TESMIN: variants seen among roughly 807,000 people sequenced by gnomAD.
TESMIN encodes CXC domain containing 2.
In TESMIN, 34 loss-of-function variants were observed where a neutral mutation model predicts 47.4. The ratio of observed to expected loss-of-function variants is 0.72; its 90% CI spans 0.55 to 0.96. TESMIN has a LOEUF of 0.96. TESMIN is among the 40% of genes least tolerant of loss of function. The probability of loss-of-function intolerance (pLI) is 0.00; values close to 1 mark genes in which losing one functional copy is unlikely to be tolerated. For missense variants in TESMIN, 610 were observed against 637.2 expected, an observed-to-expected ratio of 0.96 and a Z score of 0.46; for synonymous variants, 278 against 258.9, an observed-to-expected ratio of 1.07 and a Z score of -0.71.
chr11:68,713,044 G>C (rs543529791), intron 8 of TESMIN, among the ~76,000 whole-genome samples: 42 of 152,344 alleles, frequency 2.8e-4, no homozygotes, highest in African/African-American at 9.9e-4. Context: ...CTCAGGGGAA[G>C]CAACATGCTC....
chr11:68,736,738 T>C (rs895711596), intron 6 of TESMIN: 1 of 973,832 alleles, frequency 1.0e-6, no homozygotes, highest in Non-Finnish European at 1.2e-6. Flanking sequence ...TAATCTAGTA[T>C]AGACACAGAA....
At chr11:68,706,997 G>A (rs1946005096), downstream of TESMIN, among the ~76,000 whole-genome samples, 1 of 152,222 alleles carries the variant, frequency 6.6e-6, no homozygotes, top group Non-Finnish European at 1.5e-5. Flanking sequence ...TCGCCGCGAT[G>A]CTGACAGGAC....
rs775340621 is a variant in TESMIN, at chr11:68,747,323, G to A, written c.515C>T (p.Pro172Leu). 1.7e-5 allele frequency: 27 copies of A among 1,613,816 alleles called. No individual in the cohort carries two copies. The highest frequency in any genetic ancestry group is 5.5e-5 in the South Asian group (5 of 91,076). The part of the protein sequence containing the change: ...EAGGTTTSNN[P>L]EEATLQNLLA... Reference sequence around the variant, plus strand: ...AAGATTCTGCAAAGTTGCTTCTTCCGGATTATTACTTGTAGTAGTACCACC... The same window carrying A: ...AAGATTCTGCAAAGTTGCTTCTTCCAGATTATTACTTGTAGTAGTACCACC... Residue 172 changes from proline to leucine, a missense_variant, in exon 3 of 10, where the codon CCG becomes CTG. Pro to Leu is a moderately conservative substitution (Grantham distance 98). Transcript: ENST00000255087.
intron 6 of TESMIN, among the ~76,000 whole-genome samples, chr11:68,735,746 AG>A (rs1295048604): frequency 6.6e-6 from 1 of 152,264 alleles, no homozygotes; most frequent in African/African-American, 2.4e-5. Context: ...TAAACACTGC[AG>A]GAACTCAGAG....
In TESMIN at chr11:68,750,438, A is replaced by G; in HGVS notation, c.223T>C (p.Cys75Arg). 1 of 1,569,392 alleles carries G rather than the reference A, an allele frequency of 6.4e-7. No individual in the cohort carries two copies. Reference sequence around the variant, plus strand: ...AGCTTCGCCTTGACCTGGCCCTTGCAGTCGGCGCCCAGCGCGGGGTTGAAC... The same window carrying G: ...AGCTTCGCCTTGACCTGGCCCTTGCGGTCGGCGCCCAGCGCGGGGTTGAAC... ...HAFNPALGAD[C>R]KGQVKAKLAG... Residue 75 changes from cysteine to arginine, a missense_variant, in exon 2 of 10, where the codon TGC (cysteine) becomes CGC (arginine). Physicochemically the swap from Cys to Arg is radical, Grantham distance 180 (BLOSUM62 -3). Transcript: ENST00000255087.
chr11:68,740,625 G>A (rs535198766), intron 5 of TESMIN, among the ~76,000 whole-genome samples: 3 of 152,264 alleles, frequency 2.0e-5, no homozygotes, highest in East Asian at 1.9e-4. Context: ...CTGCGTGCTC[G>A]CCAGATCCCG....
chr11:68,739,535 A>G (rs1946432024), intron 5 of TESMIN, among the ~76,000 whole-genome samples: 1 of 152,242 alleles, frequency 6.6e-6, no homozygotes, highest in Non-Finnish European at 1.5e-5. Flanking sequence ...GTATCTTTAA[A>G]TAAATTTATT....
rs763848047 is a variant in TESMIN at position 68,738,751 on chromosome 11, G to A, written c.866C>T (p.Ala289Val). Residue 289 changes from alanine (A) to valine (V), a missense_variant, in exon 6 of 10, where the codon GCT (alanine) becomes GTT (valine). Transcript: ENST00000255087. ...TGGAAGAGTTGATCCCGAGGGGAAA[G>A]CAGACCCGTTGACTACCGATGGTAA... ...GALPSVVNGS[A>V]FPSGSTLPGP... The A allele has an allele frequency of 4.3e-6, 7 of 1,613,986 alleles. No homozygotes were observed. The East Asian group carries it at 1.6e-4, about 36-fold the overall frequency.
chr11:68,738,255 G>A (rs1443709076), intron 6 of TESMIN: 8 of 995,600 alleles, frequency 8.0e-6, no homozygotes, highest in Non-Finnish European at 9.6e-6. Context: ...CATAGAGCTC[G>A]AGCCAACTCA....
chr11:68,744,948 C>G, intron 4 of TESMIN, 43 bp downstream of exon 4: 1 of 1,459,894 alleles, frequency 6.8e-7, no homozygotes, highest in East Asian at 2.4e-5. Context: ...CATTTACCAA[C>G]TTACATATAT....
chr11:68,738,548 T>C (rs909108343), intron 6 of TESMIN, 152 bp downstream of exon 6: 23 of 1,426,944 alleles, frequency 1.6e-5, no homozygotes, highest in South Asian at 2.9e-5. Context: ...AGCAACACCG[T>C]TAGTGGCATT....
chr11:68,725,134 G>A (rs539715793), intron 6 of TESMIN, among the ~76,000 whole-genome samples: 36 of 152,314 alleles, frequency 2.4e-4, no homozygotes, highest in African/African-American at 8.2e-4. Context: ...GTCTGGAGCG[G>A]GATTGAGAAC....
At chr11:68,706,022 CAAA>C (rs11306603), downstream of TESMIN, among the ~76,000 whole-genome samples, 913 of 84,404 alleles carry the variant, frequency 0.011, 9 homozygotes, top group African/African-American at 0.037. Context: ...GACTCCGTCT[CAAA>C]AAAAAAAAAA....
In TESMIN at chr11:68,750,673, C is replaced by T. The variant is rs1946585059; in HGVS notation, c.-13G>A. On this transcript the variant is annotated 5_prime_UTR_variant, in exon 2 of 10. Coordinates refer to ENST00000255087, the MANE Select transcript of TESMIN (RefSeq NM_004923.3). ...GGCCCTCCTCCATGGCGCAGGGCGG[C>T]GGGGCGGGATGGCGGGGGCCGCGCA... 1.4e-6 allele frequency: 2 copies of T among 1,459,714 alleles called. No individual in the cohort carries two copies. The highest frequency in any genetic ancestry group is 1.8e-6 in the Non-Finnish European group (2 of 1,100,516). 90.4% of individuals were successfully genotyped at this position (1,459,714 alleles called of 1,614,324 possible). A position where few individuals can be genotyped will look rare whatever the true frequency, so the allele number is the denominator to read the frequency against.
chr11:68,732,125 C>T (rs1469116883), intron 6 of TESMIN, among the ~76,000 whole-genome samples: 1 of 152,196 alleles, frequency 6.6e-6, no homozygotes, highest in African/African-American at 2.4e-5. Context: ...CCACTGCACA[C>T]AGCACTTCGT....
chr11:68,729,444 G>T (rs953817399), intron 6 of TESMIN, among the ~76,000 whole-genome samples: 17 of 152,012 alleles, frequency 1.1e-4, no homozygotes, highest in Admixed American at 5.2e-4. Flanking sequence ...AGAATGGCTT[G>T]AACCTGGGAG....
At chr11:68,735,594 T>A (rs1015353986) in intron 6 of TESMIN, among the ~76,000 whole-genome samples, 2 of 152,122 alleles carry the variant, frequency 1.3e-5, no homozygotes, top group Admixed American at 6.5e-5. Context: ...ACATGAGACA[T>A]AGGCAATGGA....
chr11:68,737,732 T>C lies in TESMIN; in HGVS notation c.917+968A>G, dbSNP rs1431107081. ...TTCAAGACCAGCCTGGCCAACATGG[T>C]AAAACCCAGTCTCTACTAAAAAATA... On this transcript the variant is annotated intron_variant, in intron 6 of 9. Coordinates refer to ENST00000255087, the MANE Select transcript of TESMIN (RefSeq NM_004923.3). 13 of 912,512 alleles carry C rather than the reference T, an allele frequency of 1.4e-5. No individual in the cohort carries two copies. In the East Asian group the frequency reaches 1.5e-3, roughly 108 times the overall value. The allele number at this position is 912,512 out of a possible 1,614,324, so 56.5% of individuals were successfully genotyped here.
intron 6 of TESMIN, among the ~76,000 whole-genome samples, chr11:68,719,753 T>C (rs1946183085): frequency 6.6e-6 from 1 of 152,100 alleles, no homozygotes; most frequent in South Asian, 2.1e-4. Context: ...GAATAAAAGA[T>C]AAAGAAATTA....
Sources: allele counts gnomAD v4.1 joint callset (sites outside exome capture counted in the v4.1 genomes callset), GRCh38; gene constraint gnomAD v4.1.1; transcripts MANE v1.5; gene names NCBI Gene and HGNC (gene_info 2026-07-23, HGNC 2026-07-21).